The following DRD2 variants were observed in gnomAD, a reference collection of about 807,000 sequenced individuals.
The protein encoded by DRD2 is D(2) dopamine receptor.
DRD2 carries 8 observed loss-of-function variants against 38.0 expected under a neutral mutation model. That is an observed-to-expected ratio of 0.21 (90% CI 0.12 to 0.38). DRD2 has a LOEUF of 0.38. Ranked by LOEUF, DRD2 falls within the 10% of genes least tolerant of loss-of-function variation. DRD2 has a pLI of 1.00. For missense variants in DRD2, 403 were observed against 607.7 expected (o/e 0.66, Z 3.54); for synonymous variants, 230 against 238.6 (o/e 0.96, Z 0.33).
chr11:113,439,128 T>C (rs992682202), intron 1 of DRD2, among the ~76,000 whole-genome samples: 1 of 152,234 alleles, frequency 6.6e-6, no homozygotes, highest in African/African-American at 2.4e-5. Context: ...TGGTATTTCT[T>C]TGCCATGCAC....
chr11:113,439,711 C>T (rs1268360436), intron 1 of DRD2, among the ~76,000 whole-genome samples: 1 of 151,218 alleles, frequency 6.6e-6, no homozygotes, highest in Middle Eastern at 3.2e-3. Flanking sequence ...TGGAGGTGGG[C>T]ACCTGTAATC....
intron 1 of DRD2, among the ~76,000 whole-genome samples, chr11:113,435,167 C>T (rs1206535192): frequency 6.6e-6 from 1 of 152,198 alleles, no homozygotes; most frequent in East Asian, 1.9e-4. Flanking sequence ...CCTCCAGGGT[C>T]TGCAGCGGGG....
chr11:113,431,763 T>TC (rs2138191422), intron 1 of DRD2, among the ~76,000 whole-genome samples: 1 of 152,350 alleles, frequency 6.6e-6, no homozygotes, highest in Admixed American at 6.5e-5. Flanking sequence ...ACTTCCAACC[T>TC]CAGCAGCTTC....
intron 1 of DRD2, chr11:113,474,104 G>C (rs1167648364): frequency 6.6e-6 from 1 of 152,292 alleles, no homozygotes; most frequent in Admixed American, 6.5e-5. Context: ...GTCAGGTGGG[G>C]CAACAGTGAC....
At chr11:113,449,629 C>A (rs1565674138) in intron 1 of DRD2, among the ~76,000 whole-genome samples, 1 of 152,034 alleles carries the variant, frequency 6.6e-6, no homozygotes, top group South Asian at 2.1e-4. Flanking sequence ...AGCAGAGTGA[C>A]GGCCATAACA....
At position 113,409,818 on chromosome 11, in the gene DRD2, C is replaced by G. The variant is rs552918657; in HGVS notation, c.*909G>C. On this transcript the variant is annotated 3_prime_UTR_variant, in exon 8 of 8. Coordinates refer to ENST00000362072, the MANE Select transcript of DRD2 (RefSeq NM_000795.4). ...AAGGGAAACAGGAGAGAGGAAAGGC[C>G]AGAAGGAATAGAAAAGGAAAGTGGT... The G allele has an allele frequency of 5.2e-5, 8 of 153,178 alleles. No individual in the cohort carries two copies. The highest frequency in any genetic ancestry group is 1.7e-4 in the African/African-American group (7 of 41,570). The allele number at this position is 153,178 out of a possible 1,614,324, so 9.5% of individuals were successfully genotyped here.
intron 1 of DRD2, among the ~76,000 whole-genome samples, chr11:113,459,498 G>A (rs1278400062): frequency 6.6e-6 from 1 of 152,176 alleles, no homozygotes; most frequent in Non-Finnish European, 1.5e-5. Context: ...ACTGAGACTA[G>A]AACCTAAGAC....
intron 2 of DRD2, among the ~76,000 whole-genome samples, chr11:113,420,078 C>G (rs149446059): frequency 1.1e-3 from 174 of 152,286 alleles, no homozygotes; most frequent in African/African-American, 3.8e-3. Context: ...TAGGGTACCA[C>G]TGGGCAGAAA....
intron 1 of DRD2, among the ~76,000 whole-genome samples, chr11:113,456,753 A>G (rs1209113828): frequency 6.6e-6 from 1 of 152,174 alleles, no homozygotes; most frequent in Non-Finnish European, 1.5e-5. Context: ...AGAGAGTAAC[A>G]TGGAGAATTC....
chr11:113,427,681 C>A (rs1210206689), intron 1 of DRD2, among the ~76,000 whole-genome samples: 2 of 152,104 alleles, frequency 1.3e-5, no homozygotes, highest in African/African-American at 4.8e-5. Flanking sequence ...ACATAGGCTA[C>A]CAGATTAACA....
intron 2 of DRD2, among the ~76,000 whole-genome samples, chr11:113,422,154 G>A (rs543326881): frequency 1.3e-5 from 2 of 152,240 alleles, no homozygotes; most frequent in African/African-American, 2.4e-5. Flanking sequence ...TGCCTGGGGC[G>A]AACATAGGGA....
chr11:113,467,548 T>C (rs1951381994), intron 1 of DRD2, among the ~76,000 whole-genome samples: 1 of 152,176 alleles, frequency 6.6e-6, no homozygotes, highest in Non-Finnish European at 1.5e-5. Context: ...CCTTTCAATC[T>C]GGGAAAAGAA....
At chr11:113,419,552 ACACT>A (rs1406620225) in intron 2 of DRD2, among the ~76,000 whole-genome samples, 2 of 147,156 alleles carry the variant, frequency 1.4e-5, no homozygotes, top group East Asian at 2.0e-4. Flanking sequence ...ACGCAGGCAC[ACACT>A]CACGGCAGCT....
At chr11:113,412,220 A>G (rs995930388) in intron 7 of DRD2, 98 of 402,986 alleles carry the variant, frequency 2.4e-4, no homozygotes, top group Non-Finnish European at 1.8e-4. Context: ...GAGCCTAGAG[A>G]GAGAAAGTGA....
chr11:113,443,676 C>G (rs979263518), intron 1 of DRD2, among the ~76,000 whole-genome samples: 2 of 152,210 alleles, frequency 1.3e-5, no homozygotes, highest in Non-Finnish European at 2.9e-5. Context: ...CCTGTGTACA[C>G]CAGTTCTTGT....
intron 1 of DRD2, among the ~76,000 whole-genome samples, chr11:113,445,872 G>C (rs1311123984): frequency 6.6e-6 from 1 of 152,174 alleles, no homozygotes; most frequent in Non-Finnish European, 1.5e-5. Context: ...GGTGATAGAG[G>C]CAGGACTCTA....
At chr11:113,443,451 C>A (rs1277929869) in intron 1 of DRD2, among the ~76,000 whole-genome samples, 1 of 152,216 alleles carries the variant, frequency 6.6e-6, no homozygotes, top group Non-Finnish European at 1.5e-5. Context: ...GGACAACTAA[C>A]TTGAGAGGAA....
intron 1 of DRD2, among the ~76,000 whole-genome samples, chr11:113,449,186 T>G (rs1429202386): frequency 6.6e-6 from 1 of 152,112 alleles, no homozygotes; most frequent in Non-Finnish European, 1.5e-5. Flanking sequence ...TTTCTCCACC[T>G]GCCTCCCCAT....
chr11:113,433,924 C>G (rs78500541), intron 1 of DRD2, among the ~76,000 whole-genome samples: 2,305 of 152,336 alleles, frequency 0.015, 65 homozygotes, highest in African/African-American at 0.052. Context: ...TTTCCTGTCA[C>G]CAAATCCATA....
Sources: allele counts gnomAD v4.1 joint callset (sites outside exome capture counted in the v4.1 genomes callset), GRCh38; gene constraint gnomAD v4.1.1; transcripts MANE v1.5; gene names NCBI Gene and HGNC (gene_info 2026-07-23, HGNC 2026-07-21).